KIAA1549L: variants seen among roughly 807,000 people sequenced by gnomAD.
The protein encoded by KIAA1549L is UPF0606 protein KIAA1549L.
In KIAA1549L, 88 loss-of-function variants were observed where a neutral mutation model predicts 160.7. That is an observed-to-expected ratio of 0.55 (90% confidence interval 0.46 to 0.65). The LOEUF is 0.65. Among genes scored for constraint, KIAA1549L ranks in the 30% least tolerant of loss-of-function variants. The pLI is 0.00. For missense variants in KIAA1549L, 2,258 were observed against 2,437.5 expected (o/e 0.93, Z 1.55); for synonymous variants, 950 against 976.7 (o/e 0.97, Z 0.51).
At chr11:33,654,748 A>G (rs1230192106) in intron 17 of KIAA1549L, among the ~76,000 whole-genome samples, 1 of 152,020 alleles carries the variant, frequency 6.6e-6, no homozygotes, top group Non-Finnish European at 1.5e-5. Context: ...GTTTTGTTTT[A>G]GTTTGCTGAG....
intron 1 of KIAA1549L, among the ~76,000 whole-genome samples, chr11:33,377,915 C>T (rs941813296): frequency 2.6e-5 from 4 of 152,160 alleles, no homozygotes; most frequent in Non-Finnish European, 4.4e-5. Flanking sequence ...CATTTTCCTT[C>T]GATTCACTTA....
chr11:33,605,286 TCA>T (rs1383129055), intron 13 of KIAA1549L, among the ~76,000 whole-genome samples: 1 of 151,240 alleles, frequency 6.6e-6, no homozygotes, highest in African/African-American at 2.5e-5. Context: ...GGTATGAATA[TCA>T]GGGGGTGAGA....
rs1371405071 is a variant in KIAA1549L at position 33,554,803 on chromosome 11, T to C, written c.3855+2562T>C. On this transcript the variant is annotated intron_variant, in intron 6 of 20. Transcript: ENST00000658780. ...GGAGAAATGGTTCCCTGAGGAAAAT[T>C]GTGATGCTATCAAGAAGGGAGGATG... 1.3e-5 allele frequency among the ~76,000 whole-genome samples: 2 copies of C among 152,082 alleles called. 1 individual carries two copies. The highest frequency in any genetic ancestry group is 3.8e-4 in the East Asian group (2 of 5,200).
chr11:33,577,889 C>T (rs1855506371), intron 10 of KIAA1549L, among the ~76,000 whole-genome samples: 1 of 152,198 alleles, frequency 6.6e-6, no homozygotes, highest in Non-Finnish European at 1.5e-5. Context: ...GATTTATGCA[C>T]CTGGCTCAGT....
In KIAA1549L at chr11:33,486,005, C is replaced by G. The variant is rs139188574; in HGVS notation, c.239-55797C>G. 4.1e-3 allele frequency among the ~76,000 whole-genome samples: 623 copies of G among 152,270 alleles called. 3 individuals carry two copies. Among genetic ancestry groups the G allele is most frequent in the South Asian group, 6.8e-3 (33 of 4,828 alleles). On this transcript the variant is annotated intron_variant, in intron 1 of 20. Transcript: ENST00000658780. ...TCCATCATGTATATATTCCGCATTT[C>G]CTTTATCCATTCATCTGTTAGTGGA...
rs571128384 is a variant in KIAA1549L, at chr11:33,480,946, A to T, written c.239-60856A>T. On this transcript the variant is annotated intron_variant, in intron 1 of 20. Transcript: ENST00000658780. ...TGATGCCATCTCCACCCTCCGCTAAATCTACCATTAGCAACTCACATTTTT... is the reference window on the plus strand; with the variant it reads ...TGATGCCATCTCCACCCTCCGCTAATTCTACCATTAGCAACTCACATTTTT... Among the ~76,000 whole-genome samples the T allele has an allele frequency of 2.0e-5, 3 of 152,342 alleles. No homozygotes were observed. The South Asian group carries it at 6.2e-4, about 32-fold the overall frequency.
intron 16 of KIAA1549L, among the ~76,000 whole-genome samples, chr11:33,633,382 CGG>C (rs1033342669): frequency 6.6e-6 from 1 of 151,806 alleles, no homozygotes. Flanking sequence ...ACTGTGAGCT[CGG>C]GAAGTCCAGG....
intron 1 of KIAA1549L, among the ~76,000 whole-genome samples, chr11:33,465,605 G>A (rs985628931): frequency 1.3e-5 from 2 of 152,134 alleles, no homozygotes; most frequent in African/African-American, 4.8e-5. Flanking sequence ...GAAGAAAATA[G>A]GAACTGTTTA....
At chr11:33,644,201 T>C (rs1851659088) in intron 16 of KIAA1549L, among the ~76,000 whole-genome samples, 1 of 152,238 alleles carries the variant, frequency 6.6e-6, no homozygotes, top group Admixed American at 6.5e-5. Context: ...CTTTTCATCT[T>C]GAACTTTAGC....
At chr11:33,558,075 T>C (rs190162749) in intron 6 of KIAA1549L, among the ~76,000 whole-genome samples, 4 of 152,292 alleles carry the variant, frequency 2.6e-5, no homozygotes, top group African/African-American at 9.6e-5. Flanking sequence ...AAATATCACA[T>C]GTACTGCCTA....
intron 17 of KIAA1549L, among the ~76,000 whole-genome samples, chr11:33,647,519 T>C (rs908619189): frequency 3.3e-5 from 5 of 152,186 alleles, no homozygotes; most frequent in Non-Finnish European, 7.3e-5. Flanking sequence ...CGAGAAGTTA[T>C]AAGTTTTTGT....
chr11:33,602,642 T>G (rs1850394732), intron 13 of KIAA1549L, among the ~76,000 whole-genome samples: 1 of 152,046 alleles, frequency 6.6e-6, no homozygotes, highest in Non-Finnish European at 1.5e-5. Context: ...TGGCATTTAC[T>G]GTGATGCGAT....
chr11:33,624,736 T>C (rs1431615318), intron 16 of KIAA1549L, among the ~76,000 whole-genome samples: 1 of 151,386 alleles, frequency 6.6e-6, no homozygotes, highest in East Asian at 1.9e-4. Context: ...GATTTTCTTT[T>C]TTTTTTTTTT....
chr11:33,377,634 G>A (rs1849984078), intron 1 of KIAA1549L, among the ~76,000 whole-genome samples: 1 of 152,116 alleles, frequency 6.6e-6, no homozygotes, highest in South Asian at 2.1e-4. Flanking sequence ...AATGATTACT[G>A]CCTGCACTTG....
chr11:33,576,646 A>G (rs1413947438), intron 10 of KIAA1549L, among the ~76,000 whole-genome samples: 2 of 152,184 alleles, frequency 1.3e-5, no homozygotes, highest in African/African-American at 4.8e-5. Context: ...AAGTGAACAG[A>G]TTTGGGATAT....
chr11:33,650,560 C>A (rs1849817822), intron 17 of KIAA1549L, among the ~76,000 whole-genome samples: 2 of 152,094 alleles, frequency 1.3e-5, no homozygotes, highest in Admixed American at 6.5e-5. Context: ...CAGCTGGTGT[C>A]CCTGAGAAGC....
intron 1 of KIAA1549L, among the ~76,000 whole-genome samples, chr11:33,448,787 A>T (rs1411411481): frequency 1.3e-5 from 2 of 152,196 alleles, no homozygotes; most frequent in Non-Finnish European, 2.9e-5. Context: ...GCATTTGTGA[A>T]ATACCTCCTC....
intron 1 of KIAA1549L, among the ~76,000 whole-genome samples, chr11:33,435,812 G>GTATATATA (rs1851358942): frequency 4.0e-4 from 5 of 12,606 alleles, no homozygotes; most frequent in East Asian, 5.4e-3. Context: ...ATATATATAT[G>GTATATATA]TGTGTGTATA....
At chr11:33,551,387 A>C in intron 5 of KIAA1549L, 128 bp downstream of exon 5, 3 of 743,810 alleles carry the variant, frequency 4.0e-6, no homozygotes, top group Non-Finnish European at 6.9e-6. Flanking sequence ...ACCTTCTTCA[A>C]AGGGTCCTGC....
Sources: allele counts gnomAD v4.1 joint callset (sites outside exome capture counted in the v4.1 genomes callset), GRCh38; gene constraint gnomAD v4.1.1; transcripts MANE v1.5; gene names NCBI Gene and HGNC (gene_info 2026-07-23, HGNC 2026-07-21).